Variants in DENND1C observed in about 807,000 individuals in gnomAD.
DENND1C encodes the protein DENN domain-containing protein 1C.
DENND1C carries 64 observed loss-of-function variants against 87.9 expected under a neutral mutation model. The observed-to-expected ratio is 0.73, with a 90% CI of 0.60 to 0.90. The LOEUF is 0.90. DENND1C is among the 40% of genes least tolerant of loss of function. DENND1C has a pLI of 0.00. For missense variants in DENND1C, 980 were observed against 1,037.0 expected (o/e 0.95, Z 0.76); for synonymous variants, 384 against 424.4 (o/e 0.90, Z 1.17).
At chr19:6,468,709 G>A in intron 20 of DENND1C, 64 bp from the exon 21 acceptor site, 9 of 1,399,652 alleles carry the variant, frequency 6.4e-6, no homozygotes, top group Middle Eastern at 1.9e-4. Context: ...AGGCTTGCTG[G>A]AGAAGGGTGA....
rs769791371 is a variant in DENND1C, at chr19:6,481,661, G to A, written c.17+18C>T. ...CGGGAATCTTGTACCAGAGAATGAGGGATGGGGTGGCTCTTACTCAGCTCT... is the reference window on the plus strand; with the variant it reads ...CGGGAATCTTGTACCAGAGAATGAGAGATGGGGTGGCTCTTACTCAGCTCT... On this transcript the variant is annotated intron_variant, in intron 1 of 22. Coordinates refer to ENST00000381480, the MANE Select transcript of DENND1C (RefSeq NM_024898.4). The A allele has an allele frequency of 2.5e-6, 4 of 1,611,512 alleles. No individual in the cohort carries two copies. Among genetic ancestry groups the A allele is most frequent in the Admixed American group, 1.7e-5 (1 of 59,666 alleles).
chr19:6,471,143 G>C lies in DENND1C; in HGVS notation c.1290+122C>G, dbSNP rs969251045. ...TTTTTTTCAGTAGAGATGGGGTTTC[G>C]TCACGTTGCCCTAACCGGTCTCAAA... On this transcript the variant is annotated intron_variant, in intron 17 of 22. Transcript: ENST00000381480. The C allele has an allele frequency of 7.3e-6, 10 of 1,361,516 alleles. No homozygotes were observed. The African/African-American group carries it at 1.2e-4, about 16-fold the overall frequency. 84.3% of individuals were successfully genotyped at this position (1,361,516 alleles called of 1,614,324 possible).
In DENND1C at chr19:6,475,801, C is replaced by T. The variant is rs772916235; in HGVS notation, c.779+36G>A. 16 of 1,522,598 alleles carry T rather than the reference C, an allele frequency of 1.1e-5. 1 individual carries two copies. In the South Asian group the frequency reaches 2.0e-4, roughly 19 times the overall value. The allele number at this position is 1,522,598 out of a possible 1,614,324, so 94.3% of individuals were successfully genotyped here. On this transcript the variant is annotated intron_variant, in intron 11 of 22. Transcript: ENST00000381480. ...TGCAGGCACCGCCCCCAGGGCCTGC[C>T]CACAGGCCCTGCCCCTCCCAGCTGC...
Position 6,479,734 on chromosome 19 carries a change from AGCGCAGACTGCTTG to A in DENND1C, c.127-30_127-17del. On this transcript the variant is annotated splice_polypyrimidine_tract_variant and intron_variant, in intron 3 of 22. Transcript: ENST00000381480. ...GCATAGCTTCCTGGAGGTGAAGAAA[AGCGCAGACTGCTTG>A]GCCACTGAGGTCGGGCACCACCTCC... The A allele has an allele frequency of 6.2e-7, 1 of 1,613,842 alleles. No individual in the cohort carries two copies. The highest frequency in any genetic ancestry group is 8.5e-7 in the Non-Finnish European group (1 of 1,179,840).
Position 6,471,448 on chromosome 19 carries a change from C to G in DENND1C, c.1207G>C (p.Asp403His), listed in dbSNP as rs1340398832. ...EKLNKGEGFS[D>H]QFEQEITGCG... is the part of the protein sequence containing the mutation. ...CCAGTGATCTCCTGCTCGAATTGAT[C>G]TGAGAAGCCCTCCCCCTTGTTGAGC... The change falls in exon 16 of 23, where the codon GAT becomes CAT. Residue 403 changes from aspartate (D) to histidine (H), a missense_variant. Physicochemically the swap from Asp to His is moderately conservative, Grantham distance 81. Coordinates refer to ENST00000381480, the MANE Select transcript of DENND1C (RefSeq NM_024898.4). 2 of 1,584,270 alleles carry G rather than the reference C, an allele frequency of 1.3e-6. No individual in the cohort carries two copies. Among genetic ancestry groups the G allele is most frequent in the Non-Finnish European group, 8.6e-7 (1 of 1,165,200 alleles).
Position 6,475,177 on chromosome 19 carries a change from G to A in DENND1C, c.1053+97C>T, listed in dbSNP as rs549422166. Reference sequence around the variant, plus strand: ...ATCCCAAAGTGTTGGGATTACAGGCGTGAGCCACTGCGTCCGGCCATCTAC... The same window carrying A: ...ATCCCAAAGTGTTGGGATTACAGGCATGAGCCACTGCGTCCGGCCATCTAC... On this transcript the variant is annotated intron_variant, in intron 14 of 22. Coordinates refer to ENST00000381480, the MANE Select transcript of DENND1C (RefSeq NM_024898.4). 153 of 1,574,630 alleles carry A rather than the reference G, an allele frequency of 9.7e-5. No homozygotes were observed. The African/African-American group carries it at 1.9e-3, about 20-fold the overall frequency.
chr19:6,477,066 C>T lies in DENND1C; in HGVS notation c.567+8G>A, dbSNP rs778636082. ...TGTTCTCACCCCCAGAGACCCCTCC[C>T]CACTCACGTTCTCAGGGATGGATGG... On this transcript the variant is annotated splice_region_variant and intron_variant, in intron 9 of 22. Transcript: ENST00000381480. 1 of 1,608,682 alleles carries T rather than the reference C, an allele frequency of 6.2e-7. No individual in the cohort carries two copies. Among genetic ancestry groups the T allele is most frequent in the Admixed American group, 1.7e-5 (1 of 58,246 alleles).
intron 6 of DENND1C, among the ~76,000 whole-genome samples, chr19:6,478,336 C>T (rs1300784495): frequency 2.0e-5 from 3 of 152,106 alleles, no homozygotes; most frequent in Admixed American, 1.3e-4. Flanking sequence ...TTCCGCCTCC[C>T]GGGTTCAAGC....
chr19:6,469,830 T>A, intron 18 of DENND1C, 190 bp from the exon 19 acceptor site: 1 of 599,046 alleles, frequency 1.7e-6, no homozygotes. Flanking sequence ...AAAATGAGTA[T>A]TCCTGGAGGC....
At chr19:6,472,427 A>G (rs1445636222) in intron 15 of DENND1C, among the ~76,000 whole-genome samples, 3 of 151,728 alleles carry the variant, frequency 2.0e-5, no homozygotes, top group Admixed American at 6.6e-5. Flanking sequence ...GTCTCGCTCT[A>G]TTATCCAGGC....
chr19:6,476,752 G>A (rs4807872), intron 10 of DENND1C, 105 bp downstream of exon 10: 734,615 of 1,164,530 alleles, frequency 0.63, 236,406 homozygotes, highest in African/African-American at 0.66. Context: ...CTTCGCCCTC[G>A]GGTCTCGCGC....
At chr19:6,472,688 C>T (rs1014269353) in intron 15 of DENND1C, among the ~76,000 whole-genome samples, 10 of 152,046 alleles carry the variant, frequency 6.6e-5, no homozygotes, top group Admixed American at 5.2e-4. Context: ...TGTGCCCAGC[C>T]GGGGGCTCCC....
At position 6,468,587 on chromosome 19, in the gene DENND1C, G is replaced by C; in HGVS notation, c.1574C>G (p.Pro525Arg). The C allele has an allele frequency of 6.5e-7, 1 of 1,533,498 alleles. No individual in the cohort carries two copies. The highest frequency in any genetic ancestry group is 8.8e-7 in the Non-Finnish European group (1 of 1,141,778). 95.0% of individuals were successfully genotyped at this position (1,533,498 alleles called of 1,614,324 possible). ...TCCCTTTTTGCCTTACCCCGCCCCT[G>C]GGGGCTCGGAAGTTCCCTCTTCCAG... Reference protein sequence around the residue: ...RQLEEGTSEPPGAGTPPLSPE... With the variant: ...RQLEEGTSEPRGAGTPPLSPE... Residue 525 changes from proline to arginine, a missense_variant, in exon 21 of 23, where the codon CCA becomes CGA. Coordinates refer to ENST00000381480, the MANE Select transcript of DENND1C (RefSeq NM_024898.4).
chr19:6,474,213 A>G (rs12983782), intron 14 of DENND1C, among the ~76,000 whole-genome samples: 68,796 of 145,260 alleles, frequency 0.47, 16,858 homozygotes, highest in Non-Finnish European at 0.53. Flanking sequence ...AAAAAAAAAA[A>G]AAGAAGAAGA....
chr19:6,468,207 G>A, intron 22 of DENND1C, 27 bp downstream of exon 22: 3 of 1,613,072 alleles, frequency 1.9e-6, no homozygotes, highest in Non-Finnish European at 2.5e-6. Flanking sequence ...CTTGGGGTAG[G>A]GTTGGGGGAG....
At position 6,475,498 on chromosome 19, in the gene DENND1C, G is replaced by A. The variant is rs1353555249; in HGVS notation, c.913C>T (p.Leu305=). 1.2e-6 allele frequency: 2 copies of A among 1,613,936 alleles called. No individual in the cohort carries two copies. The highest frequency in any genetic ancestry group is 2.2e-5 in the East Asian group (1 of 44,884). ...LETTFNDVQA[L]PPDVVSLLRL... Reference sequence around the variant, plus strand: ...GCGACACTGACCACGTCTGGAGGCAGCGCCTGCACGTCGTTAAAGGTCGTC... The same window carrying A: ...GCGACACTGACCACGTCTGGAGGCAACGCCTGCACGTCGTTAAAGGTCGTC... The change falls in exon 13 of 23, where the codon CTG becomes TTG. Residue 305 remains leucine, a synonymous_variant. Transcript: ENST00000381480.
intron 18 of DENND1C, 35 bp downstream of exon 18, chr19:6,470,260 C>T: frequency 6.3e-7 from 1 of 1,587,912 alleles, no homozygotes; most frequent in South Asian, 1.1e-5. Context: ...CCCCTCGTCA[C>T]CCCAGCAAGA....
intron 11 of DENND1C, 26 bp from the exon 12 acceptor site, chr19:6,475,777 G>T: frequency 1.3e-6 from 2 of 1,537,666 alleles, no homozygotes; most frequent in Non-Finnish European, 8.8e-7. Flanking sequence ...ACGGGGTCAT[G>T]CAGGCACCGC....
At chr19:6,480,111 AC>A in intron 1 of DENND1C, 60 bp from the exon 2 acceptor site, 1 of 1,560,332 alleles carries the variant, frequency 6.4e-7, no homozygotes, top group East Asian at 2.4e-5. Context: ...TGTGTCTGCC[AC>A]TTTGCACACA....
Sources: gnomAD v4.1 joint callset for allele counts (sites outside exome capture counted in the v4.1 genomes callset) on GRCh38, gnomAD v4.1.1 for gene constraint, MANE v1.5 for transcripts, NCBI Gene and HGNC (gene_info 2026-07-23, HGNC 2026-07-21) for gene names.